The following TNC variants were observed in gnomAD, a reference collection of about 807,000 sequenced individuals.
TNC encodes tenascin.
In TNC, 109 loss-of-function variants were observed where a neutral mutation model predicts 202.4. The observed-to-expected ratio is 0.54, with a 90% CI of 0.46 to 0.63. TNC has a LOEUF of 0.63. Ranked by LOEUF, TNC falls within the 30% of genes least tolerant of loss-of-function variation. The probability of loss-of-function intolerance (pLI) is 0.00; values close to 1 mark genes in which losing one functional copy is unlikely to be tolerated. For missense variants in TNC, 2,756 were observed against 2,833.3 expected (o/e 0.97, Z 0.62); for synonymous variants, 1,007 against 1,089.7 (o/e 0.92, Z 1.50).
chr9:115,099,499 CT>C (rs1300147002), intron 1 of TNC, among the ~76,000 whole-genome samples: 1 of 152,240 alleles, frequency 6.6e-6, no homozygotes, highest in African/African-American at 2.4e-5. Flanking sequence ...AATCACCACT[CT>C]TTTAGGTCAG....
chr9:115,092,207 A>G (rs1588182860), intron 1 of TNC, among the ~76,000 whole-genome samples: 2 of 152,344 alleles, frequency 1.3e-5, no homozygotes, highest in African/African-American at 2.4e-5. Context: ...AAGGTGGGGC[A>G]TAGCTTATGG....
chr9:115,046,320 C>T, intron 17 of TNC, 90 bp downstream of exon 17: 1 of 1,443,910 alleles, frequency 6.9e-7, no homozygotes, highest in South Asian at 1.3e-5. Context: ...AGCCTGCCTG[C>T]ATCCAAAGCT....
chr9:115,100,633 T>A (rs1177392102), intron 1 of TNC, among the ~76,000 whole-genome samples: 1 of 152,184 alleles, frequency 6.6e-6, no homozygotes, highest in Non-Finnish European at 1.5e-5. Context: ...TTGGGAGGCC[T>A]TCAAAAAGGA....
At chr9:115,031,799 A>C in intron 22 of TNC, 114 bp from the exon 23 acceptor site, 2 of 1,342,782 alleles carry the variant, frequency 1.5e-6, no homozygotes. Flanking sequence ...TACTTACTGG[A>C]CAAGAATTCA....
chr9:115,064,882 C>T lies in TNC; in HGVS notation c.3252G>A (p.Glu1084=). ...APELENLTVT[E]VGWDGLRLNW... is the part of the protein sequence containing the mutation. The stretch of plus-strand genomic sequence containing the variant: ...TGAGTCTGAGGCCATCCCAGCCAAC[C>T]TCAGTCACGGTGAGGTTTTCCAGCT... Residue 1084 remains glutamate, a synonymous_variant, in exon 11 of 28, where the codon GAG becomes GAA. Coordinates refer to ENST00000350763, the MANE Select transcript of TNC (RefSeq NM_002160.4). The T allele has an allele frequency of 1.2e-6, 2 of 1,614,156 alleles. No individual in the cohort carries two copies. Among genetic ancestry groups the T allele is most frequent in the Non-Finnish European group, 1.7e-6 (2 of 1,180,026 alleles).
intron 1 of TNC, among the ~76,000 whole-genome samples, chr9:115,100,758 T>C (rs972280979): frequency 6.6e-6 from 1 of 152,222 alleles, no homozygotes; most frequent in South Asian, 2.1e-4. Context: ...GAGGTAACTA[T>C]GTAAAGCGAT....
chr9:115,031,439 G>T, intron 23 of TNC, 114 bp downstream of exon 23: 3 of 1,209,162 alleles, frequency 2.5e-6, no homozygotes, highest in Non-Finnish European at 3.3e-6. Context: ...GCAGTGAATC[G>T]ATTCTTTTCA....
rs766713405 is a variant in TNC, at chr9:115,057,440, G to A, written c.4307-15C>T. Reference sequence around the variant, plus strand: ...AGGTTCTTTGGCTGTAAAAGGAAGGGGTAGGGGAGAAGAAAAAAATAAATT... The same window carrying A: ...AGGTTCTTTGGCTGTAAAAGGAAGGAGTAGGGGAGAAGAAAAAAATAAATT... On this transcript the variant is annotated splice_polypyrimidine_tract_variant and intron_variant, in intron 14 of 27. Coordinates refer to ENST00000350763, the MANE Select transcript of TNC (RefSeq NM_002160.4). The A allele has an allele frequency of 1.3e-6, 2 of 1,570,174 alleles. No individual in the cohort carries two copies. The highest frequency in any genetic ancestry group is 3.9e-5 in the Admixed American group (2 of 51,010).
rs146333998 is a variant in TNC at position 115,090,905 on chromosome 9, G to A, written c.114C>T (p.Asn38=). The change falls in exon 2 of 28, where the codon AAC becomes AAT. Residue 38 remains asparagine (N), a synonymous_variant. Transcript: ENST00000350763. ...GCTGGTTCTCTTCTGGCAGGGTGGC[G>A]TTCACCCCACTCTGTCGCTTGTGCC... is the stretch of plus-strand genomic sequence containing the variant. ...VIRHKRQSGV[N]ATLPEENQPV... The A allele has an allele frequency of 8.3e-5, 134 of 1,614,116 alleles. No homozygotes were observed. The highest frequency in any genetic ancestry group is 1.6e-4 in the Middle Eastern group (1 of 6,062).
chr9:115,088,005 T>C lies in TNC; in HGVS notation c.458-732A>G, dbSNP rs79076133. Among the ~76,000 whole-genome samples, 983 of 152,334 alleles carry C rather than the reference T, an allele frequency of 6.5e-3. 11 individuals carry two copies. Among genetic ancestry groups the C allele is most frequent in the African/African-American group, 0.023 (954 of 41,574 alleles). ...GGTGTGAGCCACCACGACTGGCCAC[T>C]ATGTTATTATTTCTTTAGTGCCTCA... is the stretch of plus-strand genomic sequence containing the variant. On this transcript the variant is annotated intron_variant, in intron 2 of 27. Coordinates refer to ENST00000350763, the MANE Select transcript of TNC (RefSeq NM_002160.4).
chr9:115,039,711 T>C (rs1830590282), intron 19 of TNC, among the ~76,000 whole-genome samples: 1 of 152,216 alleles, frequency 6.6e-6, no homozygotes, highest in Admixed American at 6.5e-5. Flanking sequence ...GCAGGGCAAC[T>C]GGGGAGCCCA....
At position 115,052,702 on chromosome 9, in the gene TNC, T is replaced by C; in HGVS notation, c.4580-4170A>G. 3 of 670,910 alleles carry C rather than the reference T, an allele frequency of 4.5e-6. No homozygotes were observed. The South Asian group carries it at 4.6e-5, about 10-fold the overall frequency. 41.6% of individuals were successfully genotyped at this position (670,910 alleles called of 1,614,324 possible). A position where few individuals can be genotyped will look rare whatever the true frequency, so the allele number is the denominator to read the frequency against. Reference sequence around the variant, plus strand: ...CTTTAAGATGACTTATCTCCTTTTCTCTCTGTGTTAGACAAGTGAGAACCT... The same window carrying C: ...CTTTAAGATGACTTATCTCCTTTTCCCTCTGTGTTAGACAAGTGAGAACCT... On this transcript the variant is annotated intron_variant, in intron 15 of 27. Transcript: ENST00000350763.
At chr9:115,033,853 A>G (rs1055833848) in intron 22 of TNC, among the ~76,000 whole-genome samples, 4 of 152,204 alleles carry the variant, frequency 2.6e-5, no homozygotes, top group Admixed American at 2.6e-4. Context: ...GAGACCATGG[A>G]GGGGAATGAA....
At chr9:115,080,895 GA>G (rs35253785) in intron 6 of TNC, among the ~76,000 whole-genome samples, 51,327 of 135,930 alleles carry the variant, frequency 0.38, 9,132 homozygotes, top group African/African-American at 0.46. Context: ...CTGGGTGACA[GA>G]AAAAAAAAAA....
intron 9 of TNC, among the ~76,000 whole-genome samples, chr9:115,075,587 C>G (rs1242215225): frequency 6.6e-6 from 1 of 152,104 alleles, no homozygotes; most frequent in Non-Finnish European, 1.5e-5. Flanking sequence ...GAGATTGAGA[C>G]CATCCTGGCC....
chr9:115,086,461 C>A lies in TNC; in HGVS notation c.1270G>T (p.Val424Leu). 2 of 1,613,896 alleles carry A rather than the reference C, an allele frequency of 1.2e-6. No individual in the cohort carries two copies. Among genetic ancestry groups the A allele is most frequent in the Non-Finnish European group, 1.7e-6 (2 of 1,180,006 alleles). ...GHGRCVNGQC[V>L]CDEGYTGEDC... ...TCCCCAGTATAGCCCTCATCACACACACACTGCCCATTGACACAGCGGCCA... is the reference window on the plus strand; with the variant it reads ...TCCCCAGTATAGCCCTCATCACACAAACACTGCCCATTGACACAGCGGCCA... Residue 424 changes from valine to leucine, a missense_variant, in exon 3 of 28, where the codon GTG (valine) becomes TTG (leucine). By Grantham distance (32) the Val-to-Leu change is conservative. This residue lies in a region of TNC where 2,559 missense variants were observed against 2,546.0 expected (regional missense o/e 1.01). Coordinates refer to ENST00000350763, the MANE Select transcript of TNC (RefSeq NM_002160.4).
chr9:115,104,036 C>T (rs1450973673), intron 1 of TNC, among the ~76,000 whole-genome samples: 1 of 152,186 alleles, frequency 6.6e-6, no homozygotes, highest in African/African-American at 2.4e-5. Context: ...AATAAAACTG[C>T]AGAGCACTTG....
Position 115,073,607 on chromosome 9 carries a change from G to A in TNC, c.3210C>T (p.Ser1070=), listed in dbSNP as rs761032512. 17 of 1,613,022 alleles carry A rather than the reference G, an allele frequency of 1.1e-5. No individual in the cohort carries two copies. In the East Asian group the frequency reaches 3.3e-4, roughly 32 times the overall value. Residue 1070 remains serine, a synonymous_variant, in exon 10 of 28, where the codon TCC becomes TCT. Transcript: ENST00000350763. ...GGAAGCTCAGGGCAGACTCACCAGT[G>A]GATGCCTTCACACGTGCGGGCTTGC... ...HKSKPARVKA[S]TEQAPELENL...
Position 115,026,612 on chromosome 9 carries a change from C to T in TNC, c.6253G>A (p.Ala2085Thr). The T allele has an allele frequency of 6.2e-7, 1 of 1,614,004 alleles. No individual in the cohort carries two copies. Among genetic ancestry groups the T allele is most frequent in the South Asian group, 1.1e-5 (1 of 91,076 alleles). Residue 2085 changes from alanine (A) to threonine (T), a missense_variant, in exon 26 of 28, where the codon GCT becomes ACT. Physicochemically the swap from Ala to Thr is moderately conservative, Grantham distance 58. This residue lies in a region of TNC where 197 missense variants were observed against 287.3 expected (regional missense o/e 0.69). Transcript: ENST00000350763. ...DLRDHGETAF[A>T]VYDKFSVGDA... ...CCCACGCTGAACTTGTCATAGACAGCAAAGGCTGTCTCCCCATGGTCCCGC... is the reference window on the plus strand; with the variant it reads ...CCCACGCTGAACTTGTCATAGACAGTAAAGGCTGTCTCCCCATGGTCCCGC...
Sources: allele counts gnomAD v4.1 joint callset (sites outside exome capture counted in the v4.1 genomes callset), GRCh38; gene constraint gnomAD v4.1.1; regional missense constraint gnomAD v4.1.1; transcripts MANE v1.5; gene names NCBI Gene and HGNC (gene_info 2026-07-23, HGNC 2026-07-21).